Variants in PCDHA2 observed in about 807,000 individuals in gnomAD.
PCDHA2 encodes protocadherin alpha 2.
In PCDHA2, 58 loss-of-function variants were observed where a neutral mutation model predicts 66.0. The observed-to-expected ratio is 0.88, with a 90% CI of 0.71 to 1.09. The LOEUF (loss-of-function observed/expected upper bound fraction) is 1.09, where lower values mean the gene tolerates loss of function less well. Among genes scored for constraint, PCDHA2 ranks in the 50% least tolerant of loss-of-function variants. The pLI is 0.00. For missense variants in PCDHA2, 1,267 were observed against 1,242.3 expected (o/e 1.02, Z -0.30); for synonymous variants, 634 against 554.0 (o/e 1.14, Z -2.03).
intron 1 of PCDHA2, among the ~76,000 whole-genome samples, chr5:140,888,588 C>G (rs1419931317): frequency 6.6e-6 from 1 of 152,212 alleles, no homozygotes; most frequent in Non-Finnish European, 1.5e-5. Flanking sequence ...TGTTAGTACA[C>G]ATTCAGAGCA....
chr5:140,801,591 G>A (rs554968998), intron 1 of PCDHA2: 2 of 1,614,196 alleles, frequency 1.2e-6, no homozygotes, highest in African/African-American at 1.3e-5. Flanking sequence ...CAACGCGCCA[G>A]TTTTTCCAAT....
chr5:140,878,333 G>C (rs947043628), intron 1 of PCDHA2, among the ~76,000 whole-genome samples: 4 of 152,000 alleles, frequency 2.6e-5, no homozygotes, highest in Admixed American at 6.5e-5. Flanking sequence ...TATATTCCAG[G>C]TATTATCACA....
At chr5:140,856,784 T>A in intron 1 of PCDHA2, 1 of 1,596,522 alleles carries the variant, frequency 6.3e-7, no homozygotes. Flanking sequence ...CAGACCGGTT[T>A]ATGAAGTTAA....
chr5:141,004,024 C>T (rs1380291199), intron 3 of PCDHA2, among the ~76,000 whole-genome samples: 1 of 152,210 alleles, frequency 6.6e-6, no homozygotes, highest in African/African-American at 2.4e-5. Context: ...AAAGAAGAAA[C>T]ATTTCCTTGA....
intron 1 of PCDHA2, among the ~76,000 whole-genome samples, chr5:140,899,418 C>T (rs552409062): frequency 1.3e-5 from 2 of 152,254 alleles, no homozygotes; most frequent in African/African-American, 4.8e-5. Context: ...TGAATTTTGT[C>T]AAAGGTCTTT....
intron 1 of PCDHA2, among the ~76,000 whole-genome samples, chr5:140,799,908 C>T (rs930694231): frequency 4.6e-5 from 7 of 152,028 alleles, no homozygotes; most frequent in Non-Finnish European, 1.0e-4. Flanking sequence ...CCAAATGCGG[C>T]GAGAATTCAT....
intron 1 of PCDHA2, among the ~76,000 whole-genome samples, chr5:140,897,735 C>G (rs2066294879): frequency 6.6e-6 from 1 of 152,160 alleles, no homozygotes; most frequent in Non-Finnish European, 1.5e-5. Flanking sequence ...AATAGTATTT[C>G]TAGTTCTAGA....
intron 1 of PCDHA2, among the ~76,000 whole-genome samples, chr5:140,845,131 G>A (rs1779712441): frequency 6.7e-6 from 1 of 149,158 alleles, no homozygotes; most frequent in South Asian, 2.1e-4. Flanking sequence ...CATTTTATTT[G>A]ACTATTTGAA....
chr5:140,877,091 C>A, intron 1 of PCDHA2: 1 of 1,613,252 alleles, frequency 6.2e-7, no homozygotes. Flanking sequence ...GCGCGCGACG[C>A]CGGCGTGCCG....
At chr5:140,842,696 G>C in intron 1 of PCDHA2, 1 of 1,595,300 alleles carries the variant, frequency 6.3e-7, no homozygotes, top group Non-Finnish European at 8.6e-7. Context: ...CGCGCAGCCC[G>C]AGTACACGGT....
intron 3 of PCDHA2, among the ~76,000 whole-genome samples, chr5:140,989,263 A>G (rs2097334941): frequency 6.6e-6 from 1 of 152,146 alleles, no homozygotes; most frequent in South Asian, 2.1e-4. Flanking sequence ...GGGAGATTCA[A>G]GTTTCTGCTG....
intron 1 of PCDHA2, chr5:140,807,387 C>T: frequency 6.7e-7 from 1 of 1,488,996 alleles, no homozygotes; most frequent in Non-Finnish European, 9.2e-7. Flanking sequence ...TTCCGGGTGG[C>T]GTCCAAGGGC....
chr5:140,901,069 T>C (rs1175492593), intron 1 of PCDHA2, among the ~76,000 whole-genome samples: 2 of 152,186 alleles, frequency 1.3e-5, no homozygotes, highest in Admixed American at 6.5e-5. Context: ...GATTTTTTTT[T>C]CTATAGAGTT....
chr5:140,839,527 C>T (rs1390318368), intron 1 of PCDHA2, among the ~76,000 whole-genome samples: 1 of 151,932 alleles, frequency 6.6e-6, no homozygotes. Context: ...GTTGCTGGGA[C>T]TATAGGCACA....
rs782550930 is a variant in PCDHA2 at position 140,796,285 on chromosome 5, G to T, written c.1321G>T (p.Val441Leu). ...GCCTTCACTGTGGGCCACCACCAGC[G>T]TGTCCATCGAGGTGGCCGACGTGAA... is the stretch of plus-strand genomic sequence containing the variant. ...GSPSLWATTSVSIEVADVNDN... is the reference protein window; with the variant it reads ...GSPSLWATTSLSIEVADVNDN... The change falls in exon 1 of 4, where the codon GTG (valine) becomes TTG (leucine). Residue 441 changes from valine to leucine, a missense_variant. Coordinates refer to ENST00000526136, the MANE Select transcript of PCDHA2 (RefSeq NM_018905.3). 6 of 1,614,136 alleles carry T rather than the reference G, an allele frequency of 3.7e-6. No homozygotes were observed. Among genetic ancestry groups the T allele is most frequent in the African/African-American group, 1.3e-5 (1 of 75,072 alleles).
At chr5:140,869,378 G>T in intron 1 of PCDHA2, 3 of 1,614,168 alleles carry the variant, frequency 1.9e-6, no homozygotes, top group East Asian at 2.2e-5. Flanking sequence ...CGGATCGACC[G>T]CGAGGAGCTG....
At chr5:140,861,557 G>A in intron 1 of PCDHA2, 1 of 398,292 alleles carries the variant, frequency 2.5e-6, no homozygotes, top group Non-Finnish European at 5.2e-6. Context: ...AAGTGATCGT[G>A]GACAAGCTGC....
In PCDHA2 at chr5:141,010,121, T is replaced by C; in HGVS notation, c.*184T>C. The C allele has an allele frequency of 1.2e-6, 2 of 1,606,996 alleles. No homozygotes were observed. The highest frequency in any genetic ancestry group is 1.7e-6 in the Non-Finnish European group (2 of 1,176,140). On this transcript the variant is annotated 3_prime_UTR_variant, in exon 4 of 4. Transcript: ENST00000526136. ...ACAGGTTTTGTCGTAAAAGCTTTAC[T>C]AAGTCTGGTGTTAACTCTTTCTCTC... is the stretch of plus-strand genomic sequence containing the variant.
chr5:140,990,621 G>A (rs75224471), intron 3 of PCDHA2, among the ~76,000 whole-genome samples: 1,861 of 152,288 alleles, frequency 0.012, 44 homozygotes, highest in African/African-American at 0.043. Context: ...GTAAAGGTCT[G>A]TGGTAAGACT....
Sources: allele counts gnomAD v4.1 joint callset (sites outside exome capture counted in the v4.1 genomes callset), GRCh38; gene constraint gnomAD v4.1.1; transcripts MANE v1.5; gene names NCBI Gene and HGNC (gene_info 2026-07-23, HGNC 2026-07-21).